Variants in CERKL observed in about 807,000 individuals in gnomAD.
CERKL encodes ceramide kinase-like protein.
CERKL carries 61 observed loss-of-function variants against 63.4 expected under a neutral mutation model. The observed-to-expected ratio is 0.96, with a 90% CI of 0.78 to 1.19. The LOEUF (loss-of-function observed/expected upper bound fraction) is 1.19, where lower values mean the gene tolerates loss of function less well. Ranked by LOEUF, CERKL falls within the 50% of genes most tolerant of loss-of-function variation. CERKL has a pLI of 0.00. For synonymous variants in CERKL, 250 were observed against 230.5 expected (o/e 1.08, Z -0.77); for missense variants, 675 against 655.5 (o/e 1.03, Z -0.33).
intron 1 of CERKL, among the ~76,000 whole-genome samples, chr2:181,606,010 A>G (rs1194840513): frequency 6.6e-6 from 1 of 151,886 alleles, no homozygotes; most frequent in Non-Finnish European, 1.5e-5. Context: ...CACTAAAAAA[A>G]AGAAAGCATG....
intron 2 of CERKL, among the ~76,000 whole-genome samples, chr2:181,577,912 T>C (rs1684323771): frequency 6.6e-6 from 1 of 152,138 alleles, no homozygotes; most frequent in Admixed American, 6.5e-5. Context: ...AAAGCCCCTT[T>C]CCCTTTCAGC....
intron 1 of CERKL, among the ~76,000 whole-genome samples, chr2:181,644,034 G>T (rs1422485488): frequency 6.6e-6 from 1 of 152,182 alleles, no homozygotes; most frequent in African/African-American, 2.4e-5. Context: ...GGTGATCAGC[G>T]ATGCTTTTGA....
intron 4 of CERKL, among the ~76,000 whole-genome samples, chr2:181,562,561 G>C (rs1239524599): frequency 6.6e-6 from 1 of 152,132 alleles, no homozygotes; most frequent in Non-Finnish European, 1.5e-5. Context: ...TTTATAGTGA[G>C]TTAATCACAC....
intron 2 of CERKL, among the ~76,000 whole-genome samples, chr2:181,578,257 TG>T (rs904838702): frequency 2.2e-4 from 14 of 63,586 alleles, no homozygotes; most frequent in African/African-American, 4.0e-4. Context: ...TATATGTGTG[TG>T]GGGGGGTATG....
At chr2:181,538,449 C>T (rs1687312983) in intron 12 of CERKL, among the ~76,000 whole-genome samples, 1 of 152,030 alleles carries the variant, frequency 6.6e-6, no homozygotes, top group African/African-American at 2.4e-5. Context: ...AACTGACTTC[C>T]TTGATTGTCC....
In CERKL at chr2:181,548,864, TATTAC is replaced by T. The variant is rs1687855110; in HGVS notation, c.896-12_896-8del. On this transcript the variant is annotated splice_region_variant and splice_polypyrimidine_tract_variant and intron_variant, in intron 6 of 12. Coordinates refer to ENST00000410087, the MANE Select transcript of CERKL (RefSeq NM_201548.5). ...TCGACCAGCTGTACATGCCCTTGAA[TATTAC>T]ATTAAATATTAATCAGTGAGTACAG... 6.2e-7 allele frequency: 1 copy of T among 1,612,478 alleles called. No homozygotes were observed.
intron 2 of CERKL, among the ~76,000 whole-genome samples, chr2:181,595,693 A>C (rs1419024335): frequency 6.6e-6 from 1 of 152,332 alleles, no homozygotes; most frequent in Admixed American, 6.5e-5. Flanking sequence ...TACATTATGT[A>C]AGCCTTAGTT....
intron 4 of CERKL, 21 bp downstream of exon 4, chr2:181,566,037 T>TA (rs756811111): frequency 3.8e-5 from 56 of 1,489,378 alleles, no homozygotes; most frequent in Non-Finnish European, 4.6e-5. Flanking sequence ...ATAACATATA[T>TA]TGATTAATAA....
intron 3 of CERKL, 28 bp from the exon 4 acceptor site, chr2:181,566,149 A>C: frequency 6.4e-7 from 1 of 1,560,130 alleles, no homozygotes; most frequent in South Asian, 1.1e-5. Flanking sequence ...ACACATACAC[A>C]AAGTGACAGT....
intron 5 of CERKL, 131 bp from the exon 6 acceptor site, chr2:181,549,839 A>G: frequency 1.4e-6 from 1 of 717,094 alleles, no homozygotes; most frequent in Non-Finnish European, 2.6e-6. Context: ...AAAATCAGGA[A>G]AGTTAATGTG....
intron 1 of CERKL, among the ~76,000 whole-genome samples, chr2:181,635,697 TA>T (rs972211844): frequency 1.3e-5 from 2 of 152,204 alleles, no homozygotes; most frequent in African/African-American, 4.8e-5. Context: ...TTAGTAAACT[TA>T]AAAGCTTAAT....
chr2:181,617,195 T>C (rs2105912627), intron 1 of CERKL: 1 of 152,324 alleles, frequency 6.6e-6, no homozygotes, highest in South Asian at 2.1e-4. Flanking sequence ...TAAAAAAATC[T>C]CCACCCTTGA....
At chr2:181,565,281 T>C (rs895960290) in intron 4 of CERKL, 2 of 648,916 alleles carry the variant, frequency 3.1e-6, no homozygotes, top group South Asian at 3.5e-5. Flanking sequence ...ATTCACACAC[T>C]TGTCAACTTT....
At chr2:181,562,305 G>A (rs1003671144) in intron 4 of CERKL, among the ~76,000 whole-genome samples, 1 of 152,064 alleles carries the variant, frequency 6.6e-6, no homozygotes, top group African/African-American at 2.4e-5. Context: ...TACATTTATC[G>A]ATTTATGTCT....
chr2:181,600,852 A>T (rs1685428408), intron 2 of CERKL, among the ~76,000 whole-genome samples: 1 of 152,220 alleles, frequency 6.6e-6, no homozygotes, highest in Admixed American at 6.5e-5. Flanking sequence ...CTCTTGACCA[A>T]ATGGACCTGA....
intron 2 of CERKL, chr2:181,603,068 T>G (rs372907058): frequency 8.3e-6 from 2 of 239,556 alleles, no homozygotes; most frequent in Non-Finnish European, 1.8e-5. Context: ...CATTAAGAGA[T>G]ATATCCTAAT....
chr2:181,578,257 T>G (rs7609413), intron 2 of CERKL, among the ~76,000 whole-genome samples: 1,984 of 63,556 alleles, frequency 0.031, 28 homozygotes, highest in African/African-American at 0.1. Context: ...TATATGTGTG[T>G]GGGGGGGTAT....
At position 181,646,792 on chromosome 2, in the gene CERKL, A is replaced by G. The variant is rs80105318; in HGVS notation, c.238+9977T>C. On this transcript the variant is annotated intron_variant, in intron 1 of 12. Transcript: ENST00000410087. Reference sequence around the variant, plus strand: ...ATTTCCACTTCATTGAGCAATTAGAAGACTTCTGCTAATCTCTGCCTGAAG... The same window carrying G: ...ATTTCCACTTCATTGAGCAATTAGAGGACTTCTGCTAATCTCTGCCTGAAG... 3.3e-3 allele frequency among the ~76,000 whole-genome samples: 510 copies of G among 152,358 alleles called. 1 individual carries two copies. Among genetic ancestry groups the G allele is most frequent in the Non-Finnish European group, 5.5e-3 (371 of 68,032 alleles).
At chr2:181,583,936 T>C (rs1238251986) in intron 2 of CERKL, among the ~76,000 whole-genome samples, 1 of 152,224 alleles carries the variant, frequency 6.6e-6, no homozygotes, top group African/African-American at 2.4e-5. Flanking sequence ...GCAATTATCA[T>C]TCATTGATTT....
Sources: allele counts gnomAD v4.1 joint callset (sites outside exome capture counted in the v4.1 genomes callset), GRCh38; gene constraint gnomAD v4.1.1; transcripts MANE v1.5; gene names NCBI Gene and HGNC (gene_info 2026-07-23, HGNC 2026-07-21).